PRRG1: variants seen among roughly 807,000 people sequenced by gnomAD.
PRRG1 encodes proline rich and Gla domain 1, also known as transmembrane gamma-carboxyglutamic acid protein 1.
A neutral mutation model predicts 11.8 loss-of-function variants in PRRG1; 5 were observed. The observed-to-expected ratio is 0.42, with a 90% confidence interval of 0.22 to 0.89. PRRG1 has a LOEUF of 0.89. Ranked by LOEUF, PRRG1 falls within the 40% of genes least tolerant of loss-of-function variation. The probability of loss-of-function intolerance (pLI) is 0.28; values close to 1 mark genes in which losing one functional copy is unlikely to be tolerated. For synonymous variants in PRRG1, 66 were observed against 60.4 expected (o/e 1.09, Z -0.43); for missense variants, 155 against 166.1 (o/e 0.93, Z 0.37).
Position 37,410,806 on chromosome X carries a change from A to G in PRRG1, c.10+4547A>G, listed in dbSNP as rs937909283. Among the ~76,000 whole-genome samples, 3 of 112,452 alleles carry G rather than the reference A, an allele frequency of 2.7e-5. No homozygotes were observed. In the Admixed American group the frequency reaches 2.8e-4, roughly 11 times the overall value. ...GGGCCTGATGCCGCTTACCTGGCCT[A>G]TGTGAAACTCACCCGTTTGACTGAT... On this transcript the variant is annotated intron_variant, in intron 2 of 3. Transcript: ENST00000378628.
At chrX:37,447,190 T>G (rs1175091400) in intron 3 of PRRG1, among the ~76,000 whole-genome samples, 1 of 112,110 alleles carries the variant, frequency 8.9e-6, no homozygotes, top group Non-Finnish European at 1.9e-5. Context: ...AAGATTTTAT[T>G]TACAATAATG....
intron 1 of PRRG1, among the ~76,000 whole-genome samples, chrX:37,390,160 G>A (rs188138098): frequency 9.0e-6 from 1 of 111,450 alleles, no homozygotes; most frequent in East Asian, 2.8e-4. Context: ...GGCAAAAGGG[G>A]ATGGGAAGCT....
At chrX:37,435,294 AC>A (rs1260694521) in intron 3 of PRRG1, among the ~76,000 whole-genome samples, 1 of 112,116 alleles carries the variant, frequency 8.9e-6, no homozygotes, top group East Asian at 2.8e-4. Flanking sequence ...AGCCCAAAAC[AC>A]AAAATAAATA....
intron 1 of PRRG1, among the ~76,000 whole-genome samples, chrX:37,399,767 A>G (rs1386788455): frequency 2.9e-5 from 3 of 105,095 alleles, no homozygotes; most frequent in African/African-American, 1.1e-4. Context: ...CATAGGCTCA[A>G]AATAAAAGGA....
chrX:37,359,168 T>C (rs1277208304), intron 1 of PRRG1, among the ~76,000 whole-genome samples: 1 of 111,636 alleles, frequency 9.0e-6, no homozygotes, highest in Non-Finnish European at 1.9e-5. Context: ...TCAGTATGAT[T>C]TTGAAAAGGA....
At position 37,453,363 on chromosome X, in the gene PRRG1, C is replaced by T. The variant is rs201439152; in HGVS notation, c.399C>T (p.Pro133=). The T allele has an allele frequency of 1.2e-5, 14 of 1,209,306 alleles. No individual in the cohort carries two copies. The highest frequency in any genetic ancestry group is 1.7e-5 in the African/African-American group (1 of 57,185). ...ACCTTAATATTATCACCCCACCCCCCCCACCAGATGAAGTGTTTGACAGCA... is the reference window on the plus strand; with the variant it reads ...ACCTTAATATTATCACCCCACCCCCTCCACCAGATGAAGTGTTTGACAGCA... The part of the protein sequence containing the change: ...PQHLNIITPP[P]PPDEVFDSSG... Residue 133 remains proline, a synonymous_variant, in exon 4 of 4, where the codon CCC becomes CCT. Coordinates refer to ENST00000378628, the MANE Select transcript of PRRG1 (RefSeq NM_001142395.2).
intron 1 of PRRG1, among the ~76,000 whole-genome samples, chrX:37,397,083 A>G (rs1931744018): frequency 8.9e-6 from 1 of 112,843 alleles, no homozygotes; most frequent in Non-Finnish European, 1.9e-5. Flanking sequence ...AGGAAAGAAC[A>G]GTCTCCCACA....
chrX:37,388,294 A>G (rs1601990854), intron 1 of PRRG1, among the ~76,000 whole-genome samples: 1 of 112,590 alleles, frequency 8.9e-6, no homozygotes, highest in South Asian at 3.7e-4. Flanking sequence ...TCACAGGTCT[A>G]CTAGACAATG....
intron 3 of PRRG1, among the ~76,000 whole-genome samples, chrX:37,436,285 A>T (rs1932884197): frequency 8.9e-6 from 1 of 111,982 alleles, no homozygotes. Flanking sequence ...TATATTTTAG[A>T]AACTGAGTTA....
chrX:37,449,438 C>T (rs782552624), intron 3 of PRRG1, among the ~76,000 whole-genome samples: 22 of 112,051 alleles, frequency 2.0e-4, no homozygotes, highest in African/African-American at 5.2e-4. Flanking sequence ...AAATTGTGTT[C>T]GTAAATGGCA....
chrX:37,403,909 C>T (rs1423315016), intron 1 of PRRG1: 4 of 304,893 alleles, frequency 1.3e-5, no homozygotes, highest in African/African-American at 8.8e-5. Context: ...CTGAAACGCT[C>T]GGTGAGGTGG....
At chrX:37,406,291 A>T in intron 2 of PRRG1, 32 bp downstream of exon 2, 1 of 1,155,290 alleles carries the variant, frequency 8.7e-7, no homozygotes, top group Non-Finnish European at 1.2e-6. Context: ...AGTAATTCAG[A>T]CTGTCTCCAT....
At chrX:37,350,200 G>A (rs1930014439) in intron 1 of PRRG1, among the ~76,000 whole-genome samples, 1 of 112,295 alleles carries the variant, frequency 8.9e-6, no homozygotes, top group Admixed American at 9.4e-5. Flanking sequence ...GTGTGTGCGC[G>A]TTTGGACTCT....
At chrX:37,377,688 A>G (rs1387558837) in intron 1 of PRRG1, among the ~76,000 whole-genome samples, 4 of 111,832 alleles carry the variant, frequency 3.6e-5, no homozygotes, top group African/African-American at 9.7e-5. Context: ...CACTAAAACT[A>G]GGGATTTGGC....
chrX:37,357,003 T>C (rs1466496519), intron 1 of PRRG1, among the ~76,000 whole-genome samples: 2 of 111,635 alleles, frequency 1.8e-5, no homozygotes, highest in African/African-American at 6.5e-5. Context: ...TATCTACTAT[T>C]GTATTAATAT....
In PRRG1 at chrX:37,430,936, A is replaced by G. The variant is rs1050936721; in HGVS notation, c.171+4936A>G. ...CCACAACCATCCCTAACCCTTAGCA[A>G]TCACTAATCTGTTTCCATCTCTATA... On this transcript the variant is annotated intron_variant, in intron 3 of 3. Transcript: ENST00000378628. Among the ~76,000 whole-genome samples the G allele has an allele frequency of 7.1e-5, 8 of 112,084 alleles. No homozygotes were observed. In the East Asian group the frequency reaches 2.2e-3, roughly 31 times the overall value.
intron 3 of PRRG1, among the ~76,000 whole-genome samples, chrX:37,427,934 G>A (rs1355991229): frequency 2.7e-5 from 3 of 111,823 alleles, no homozygotes; most frequent in Admixed American, 1.9e-4. Context: ...TCAGAATCAT[G>A]GCAGGAGGTG....
chrX:37,411,489 A>G (rs1454875516), intron 2 of PRRG1, among the ~76,000 whole-genome samples: 8 of 112,451 alleles, frequency 7.1e-5, no homozygotes, highest in African/African-American at 2.3e-4. Flanking sequence ...TTTACCTACA[A>G]TGAATATTTT....
chrX:37,423,971 G>C (rs1383189962), intron 2 of PRRG1, among the ~76,000 whole-genome samples: 4 of 111,271 alleles, frequency 3.6e-5, no homozygotes, highest in African/African-American at 1.3e-4. Flanking sequence ...ATTCAGTATA[G>C]TAACAAACTG....
Sources: gnomAD v4.1 joint callset for allele counts (sites outside exome capture counted in the v4.1 genomes callset) on GRCh38, gnomAD v4.1.1 for gene constraint, MANE v1.5 for transcripts, NCBI Gene and HGNC (gene_info 2026-07-23, HGNC 2026-07-21) for gene names.